The following ARFGEF3 variants were observed in gnomAD, a reference collection of about 807,000 sequenced individuals.
The protein encoded by ARFGEF3 is brefeldin A-inhibited guanine nucleotide-exchange protein 3.
In ARFGEF3, 96 loss-of-function variants were observed where a neutral mutation model predicts 221.7. The ratio of observed to expected loss-of-function variants is 0.43; its 90% CI spans 0.37 to 0.51. The LOEUF is 0.51. Among genes scored for constraint, ARFGEF3 ranks in the 20% least tolerant of loss-of-function variants. ARFGEF3 has a pLI of 0.00. For synonymous variants in ARFGEF3, 1,145 were observed against 1,126.8 expected, an observed-to-expected ratio of 1.02 and a Z score of -0.32; for missense variants, 2,410 against 2,789.9, an observed-to-expected ratio of 0.86 and a Z score of 3.07.
chr6:138,249,027 C>G (rs1464640698), intron 8 of ARFGEF3, among the ~76,000 whole-genome samples: 1 of 152,110 alleles, frequency 6.6e-6, no homozygotes, highest in African/African-American at 2.4e-5. Flanking sequence ...ACCCAGGAAC[C>G]CCCATCAGCT....
intron 8 of ARFGEF3, among the ~76,000 whole-genome samples, chr6:138,252,665 C>T (rs1778603472): frequency 6.6e-6 from 1 of 152,204 alleles, no homozygotes. Flanking sequence ...CACTAGACTT[C>T]CTGACTTCCT....
chr6:138,268,269 G>A (rs183887269), intron 12 of ARFGEF3, among the ~76,000 whole-genome samples: 38 of 152,296 alleles, frequency 2.5e-4, no homozygotes, highest in African/African-American at 8.4e-4. Context: ...AGTAAAAACA[G>A]AAGAGTGGGA....
chr6:138,261,505 C>T (rs1192582363), intron 10 of ARFGEF3, 22 bp from the exon 11 acceptor site: 5 of 1,448,156 alleles, frequency 3.5e-6, no homozygotes, highest in Non-Finnish European at 4.7e-6. Flanking sequence ...TTTTCTGTTA[C>T]TCTTTTACCT....
rs536825584 is a variant in ARFGEF3, at chr6:138,311,580, G to T, written c.4200+70G>T. 178 of 1,062,526 alleles carry T rather than the reference G, an allele frequency of 1.7e-4. 4 individuals carry two copies. The South Asian group carries it at 2.4e-3, about 14-fold the overall frequency. The allele number at this position is 1,062,526 out of a possible 1,614,324, so 65.8% of individuals were successfully genotyped here. On this transcript the variant is annotated intron_variant, in intron 25 of 33. Transcript: ENST00000251691. ...CGGAACATGCTGCCAAAACATGCGT[G>T]GGGGGTCTTTTGCTGAAGCCCGAGA...
chr6:138,231,771 G>A (rs990368304), intron 5 of ARFGEF3, among the ~76,000 whole-genome samples: 1 of 152,118 alleles, frequency 6.6e-6, no homozygotes, highest in Admixed American at 6.6e-5. Flanking sequence ...GAAACCTGCT[G>A]ATCAGGAAGT....
intron 31 of ARFGEF3, among the ~76,000 whole-genome samples, chr6:138,326,956 C>A (rs6570224): frequency 0.15 from 22,819 of 152,160 alleles, 2,963 homozygotes; most frequent in African/African-American, 0.36. Context: ...TTGCAGGAAC[C>A]TGGATGGAGT....
rs148366637 is a variant in ARFGEF3, at chr6:138,296,905, C to T, written c.3598C>T (p.Leu1200=). 1.2e-6 allele frequency: 2 copies of T among 1,614,000 alleles called. No individual in the cohort carries two copies. Among genetic ancestry groups the T allele is most frequent in the Non-Finnish European group, 1.7e-6 (2 of 1,179,874 alleles). Residue 1200 remains leucine, a synonymous_variant, in exon 21 of 34, where the codon CTG becomes TTG. Transcript: ENST00000251691. ...GATTGTGCGGAGCAAAGCACGGCCC[C>T]TGCTCCACGTGATGCGCTGCTGGAG... ...LRIVRSKARP[L]LHVMRCWSLV...
intron 4 of ARFGEF3, among the ~76,000 whole-genome samples, chr6:138,213,660 A>C (rs1777779122): frequency 6.6e-6 from 1 of 152,012 alleles, no homozygotes; most frequent in Non-Finnish European, 1.5e-5. Flanking sequence ...AGAGTAAGAT[A>C]ATGATTGCTG....
chr6:138,256,153 A>G (rs1245134824), intron 10 of ARFGEF3, among the ~76,000 whole-genome samples: 1 of 152,160 alleles, frequency 6.6e-6, no homozygotes, highest in Non-Finnish European at 1.5e-5. Flanking sequence ...CAGGTTGCAC[A>G]TTATCCAACA....
chr6:138,255,872 C>A, intron 10 of ARFGEF3, 103 bp downstream of exon 10: 1 of 944,840 alleles, frequency 1.1e-6, no homozygotes, highest in Non-Finnish European at 1.5e-6. Flanking sequence ...CTTGCCGGAA[C>A]TTCATTACTG....
At chr6:138,293,219 A>G (rs990931750) in intron 19 of ARFGEF3, among the ~76,000 whole-genome samples, 2 of 152,184 alleles carry the variant, frequency 1.3e-5, no homozygotes, top group African/African-American at 2.4e-5. Context: ...GGCAGATAGC[A>G]GGGTGACCCA....
intron 31 of ARFGEF3, among the ~76,000 whole-genome samples, chr6:138,325,076 C>G (rs1253089471): frequency 6.6e-6 from 1 of 152,186 alleles, no homozygotes; most frequent in African/African-American, 2.4e-5. Context: ...TATGAAGAAA[C>G]TATTTTGCAT....
At chr6:138,174,327 C>A (rs748374348) in intron 2 of ARFGEF3, among the ~76,000 whole-genome samples, 2 of 151,982 alleles carry the variant, frequency 1.3e-5, no homozygotes, top group Non-Finnish European at 2.9e-5. Context: ...AGGAGACATA[C>A]AGTAATGGGC....
intron 4 of ARFGEF3, chr6:138,216,415 G>A (rs1777859962): frequency 6.6e-6 from 1 of 152,220 alleles, no homozygotes; most frequent in South Asian, 2.1e-4. Flanking sequence ...ATTACAAAGT[G>A]GAAGGGAGTG....
chr6:138,284,757 A>G (rs946220773), intron 14 of ARFGEF3, among the ~76,000 whole-genome samples: 3 of 152,236 alleles, frequency 2.0e-5, no homozygotes, highest in African/African-American at 7.2e-5. Context: ...TACTTTAAAC[A>G]TGGTCATGCA....
intron 2 of ARFGEF3, among the ~76,000 whole-genome samples, chr6:138,196,400 G>A (rs1414975476): frequency 6.6e-6 from 1 of 152,226 alleles, no homozygotes; most frequent in Admixed American, 6.5e-5. Context: ...CATGAATACT[G>A]TAGGCAGTTG....
intron 4 of ARFGEF3, among the ~76,000 whole-genome samples, chr6:138,227,293 C>T (rs1778102918): frequency 6.6e-6 from 1 of 152,186 alleles, no homozygotes; most frequent in Non-Finnish European, 1.5e-5. Context: ...ATACTGCTAA[C>T]TCAACACCCT....
Position 138,170,790 on chromosome 6 carries a change from AGT to A in ARFGEF3, c.137+82_137+83del, listed in dbSNP as rs370842986. 5.6e-5 allele frequency: 46 copies of A among 825,384 alleles called. No homozygotes were observed. In the African/African-American group the frequency reaches 5.8e-4, roughly 10 times the overall value. The allele number at this position is 825,384 out of a possible 1,614,324, so 51.1% of individuals were successfully genotyped here. ...GGCCCAGATAACCACATTGGTTTAC[AGT>A]GTGTCTTAGTTTGTTTTGTGCTGCT... is the stretch of plus-strand genomic sequence containing the variant. On this transcript the variant is annotated intron_variant, in intron 2 of 33. Coordinates refer to ENST00000251691, the MANE Select transcript of ARFGEF3 (RefSeq NM_020340.5).
intron 22 of ARFGEF3, among the ~76,000 whole-genome samples, chr6:138,303,526 C>A (rs1779662815): frequency 6.6e-6 from 1 of 152,052 alleles, no homozygotes; most frequent in Admixed American, 6.6e-5. Context: ...TAATAGCGGC[C>A]AGGCACAGTG....
Sources: gnomAD v4.1 joint callset for allele counts (sites outside exome capture counted in the v4.1 genomes callset) on GRCh38, gnomAD v4.1.1 for gene constraint, MANE v1.5 for transcripts, NCBI Gene and HGNC (gene_info 2026-07-23, HGNC 2026-07-21) for gene names.